SYT10: variants seen among roughly 807,000 people sequenced by gnomAD.
The protein encoded by SYT10 is synaptotagmin-10.
Under a neutral mutation model 51.1 loss-of-function variants are expected in SYT10, and 31 were observed. The ratio of observed to expected loss-of-function variants is 0.61; its 90% CI spans 0.46 to 0.82. The LOEUF (loss-of-function observed/expected upper bound fraction) is 0.82. SYT10 is among the 40% of genes least tolerant of loss of function. The pLI is 0.00. For synonymous variants in SYT10, 233 were observed against 225.9 expected (o/e 1.03, Z -0.28); for missense variants, 603 against 634.0 (o/e 0.95, Z 0.53).
chr12:33,397,137 T>C (rs1164692329), intron 3 of SYT10, among the ~76,000 whole-genome samples: 1 of 152,012 alleles, frequency 6.6e-6, no homozygotes, highest in Non-Finnish European at 1.5e-5. Context: ...TCCAGAAAGG[T>C]TATAGGAAAT....
At chr12:33,392,384 A>G (rs1309736941) in intron 3 of SYT10, among the ~76,000 whole-genome samples, 1 of 152,138 alleles carries the variant, frequency 6.6e-6, no homozygotes, top group Non-Finnish European at 1.5e-5. Flanking sequence ...ACCCTTTTCC[A>G]GTTTCTAGCC....
At chr12:33,403,731 AAATT>A (rs1199726489) in intron 3 of SYT10, among the ~76,000 whole-genome samples, 6 of 152,286 alleles carry the variant, frequency 3.9e-5, no homozygotes, top group African/African-American at 1.4e-4. Context: ...AAATTCTTAA[AAATT>A]AATGACGTGT....
At chr12:33,379,549 C>CAAAAAAAAAAAAAAAAAAAAAAAAAAA in intron 6 of SYT10, among the ~76,000 whole-genome samples, 1 of 22,060 alleles carries the variant, frequency 4.5e-5, no homozygotes, top group Non-Finnish European at 6.8e-5. Context: ...TCAGGCTATG[C>CAAAAAAAAAAAAAAAAAAAAAAAAAAA]AAAAAAAAAA....
intron 3 of SYT10, among the ~76,000 whole-genome samples, chr12:33,404,269 G>T (rs1437238542): frequency 3.3e-5 from 5 of 152,174 alleles, no homozygotes; most frequent in Admixed American, 1.3e-4. Context: ...AATGCCTGTG[G>T]CCTCTAGAGT....
chr12:33,410,659 C>T (rs1323281523), intron 2 of SYT10, among the ~76,000 whole-genome samples: 1 of 151,982 alleles, frequency 6.6e-6, no homozygotes, highest in African/African-American at 2.4e-5. Context: ...CAGCTTCACC[C>T]AAAGAATGAG....
chr12:33,417,704 C>T (rs1241150503), intron 2 of SYT10, among the ~76,000 whole-genome samples: 1 of 152,136 alleles, frequency 6.6e-6, no homozygotes, highest in Admixed American at 6.5e-5. Flanking sequence ...TACTCATTTG[C>T]ACATGTGCAA....
At chr12:33,433,966 A>G (rs1165348590) in intron 1 of SYT10, among the ~76,000 whole-genome samples, 1 of 152,176 alleles carries the variant, frequency 6.6e-6, no homozygotes. Context: ...GGGAGGTTAA[A>G]TTTCTTTGCC....
At chr12:33,380,104 A>G in intron 5 of SYT10, 143 bp from the exon 6 acceptor site, 1 of 826,858 alleles carries the variant, frequency 1.2e-6, no homozygotes, top group Non-Finnish European at 1.8e-6. Flanking sequence ...ACCGAATGAA[A>G]TCTCTTAAGT....
At chr12:33,389,290 A>C (rs1866184222) in intron 3 of SYT10, among the ~76,000 whole-genome samples, 1 of 152,130 alleles carries the variant, frequency 6.6e-6, no homozygotes, top group African/African-American at 2.4e-5. Flanking sequence ...AAAAAACTGG[A>C]GTTAAAAATA....
chr12:33,400,287 T>A (rs1366964593), intron 3 of SYT10, among the ~76,000 whole-genome samples: 1 of 152,124 alleles, frequency 6.6e-6, no homozygotes, highest in Admixed American at 6.6e-5. Context: ...AAAAGACACC[T>A]CTAGATTAAA....
intron 3 of SYT10, among the ~76,000 whole-genome samples, chr12:33,387,842 C>T (rs377171604): frequency 2.0e-5 from 3 of 150,630 alleles, no homozygotes; most frequent in South Asian, 4.2e-4. Context: ...CTCAACCTCT[C>T]GGGCTCAGGT....
Position 33,396,242 on chromosome 12 carries a change from T to G in SYT10, c.1077+10547A>C, listed in dbSNP as rs1426106469. ...TCAGGTCATGATTTAAGATATTGAT[T>G]TTATTTATATACAATTATGTAATTT... On this transcript the variant is annotated intron_variant, in intron 3 of 6. Coordinates refer to ENST00000228567, the MANE Select transcript of SYT10 (RefSeq NM_198992.4). Among the ~76,000 whole-genome samples the G allele has an allele frequency of 3.3e-5, 5 of 152,158 alleles. No individual in the cohort carries two copies. The East Asian group carries it at 9.6e-4, about 29-fold the overall frequency.
rs560965143 is a variant in SYT10, at chr12:33,388,257, A to T, written c.1078-2966T>A. 3.3e-5 allele frequency among the ~76,000 whole-genome samples: 5 copies of T among 152,350 alleles called. No individual in the cohort carries two copies. In the East Asian group the frequency reaches 5.8e-4, roughly 18 times the overall value. ...GACTTGAACAGTAAATAATATTTAA[A>T]GTAATGACCTTGAGTCATCAAGGTA... On this transcript the variant is annotated intron_variant, in intron 3 of 6. Coordinates refer to ENST00000228567, the MANE Select transcript of SYT10 (RefSeq NM_198992.4).
In SYT10 at chr12:33,375,723, A is replaced by G. The variant is rs568670452; in HGVS notation, c.*1107T>C. 7.2e-5 allele frequency: 11 copies of G among 152,564 alleles called. No individual in the cohort carries two copies. The South Asian group carries it at 2.1e-3, about 29-fold the overall frequency. The allele number at this position is 152,564 out of a possible 1,614,324, so 9.5% of individuals were successfully genotyped here. On this transcript the variant is annotated 3_prime_UTR_variant, in exon 7 of 7. Coordinates refer to ENST00000228567, the MANE Select transcript of SYT10 (RefSeq NM_198992.4). ...TATTAAGCATTGAAGTTGTATTATT[A>G]ATATTTATAGTATATTTCTATATGT...
chr12:33,380,942 T>C (rs1286552464), intron 5 of SYT10, among the ~76,000 whole-genome samples: 3 of 152,184 alleles, frequency 2.0e-5, no homozygotes, highest in Non-Finnish European at 4.4e-5. Context: ...GATATGTATA[T>C]GTAGTATTAT....
intron 2 of SYT10, among the ~76,000 whole-genome samples, chr12:33,414,042 T>G (rs1282052410): frequency 1.3e-5 from 2 of 151,898 alleles, no homozygotes; most frequent in Non-Finnish European, 2.9e-5. Context: ...TCCTAGTATC[T>G]GATAAAACAG....
At chr12:33,385,094 G>T in intron 4 of SYT10, 77 bp downstream of exon 4, 1 of 1,526,898 alleles carries the variant, frequency 6.5e-7, no homozygotes. Flanking sequence ...TAATTCAGTA[G>T]TCATGTATCA....
chr12:33,376,929 G>T (rs199729827), intron 6 of SYT10, 28 bp from the exon 7 acceptor site: 3 of 1,610,058 alleles, frequency 1.9e-6, no homozygotes, highest in Admixed American at 1.7e-5. Context: ...CATAATGTAT[G>T]ATCTAGTACA....
intron 3 of SYT10, among the ~76,000 whole-genome samples, chr12:33,403,233 C>CT (rs36045526): frequency 6.8e-4 from 87 of 127,666 alleles, no homozygotes; most frequent in Middle Eastern, 8.3e-3. Context: ...ATCTGATAGT[C>CT]TTTTTTTTTT....
Sources: allele counts gnomAD v4.1 joint callset (sites outside exome capture counted in the v4.1 genomes callset), GRCh38; gene constraint gnomAD v4.1.1; transcripts MANE v1.5; gene names NCBI Gene and HGNC (gene_info 2026-07-23, HGNC 2026-07-21).